Variants in DPY19L2 observed in about 807,000 individuals in gnomAD.
The protein encoded by DPY19L2 is probable C-mannosyltransferase DPY19L2.
In DPY19L2, 34 loss-of-function variants were observed where a neutral mutation model predicts 97.9. The ratio of observed to expected loss-of-function variants is 0.35; its 90% CI spans 0.26 to 0.46. DPY19L2 has a LOEUF of 0.46. Ranked by LOEUF, DPY19L2 falls within the 20% of genes least tolerant of loss-of-function variation. The probability of loss-of-function intolerance (pLI) is 1.00; values close to 1 mark genes in which losing one functional copy is unlikely to be tolerated. For synonymous variants in DPY19L2, 230 were observed against 307.9 expected, an observed-to-expected ratio of 0.75 and a Z score of 2.65; for missense variants, 623 against 911.4, an observed-to-expected ratio of 0.68 and a Z score of 4.07.
At chr12:63,598,081 G>A (rs1230841560) in intron 13 of DPY19L2, among the ~76,000 whole-genome samples, 171 bp from the exon 14 acceptor site, 2 of 151,786 alleles carry the variant, frequency 1.3e-5, no homozygotes, top group Non-Finnish European at 2.9e-5. Context: ...TATACCATGT[G>A]CTGACTTCTC....
At chr12:63,645,039 C>G (rs1407241070) in intron 5 of DPY19L2, among the ~76,000 whole-genome samples, 5 of 151,514 alleles carry the variant, frequency 3.3e-5, no homozygotes, top group Non-Finnish European at 5.9e-5. Flanking sequence ...TCATTTGATC[C>G]ATTATTATGT....
chr12:63,655,827 C>T (rs930102606), intron 4 of DPY19L2, among the ~76,000 whole-genome samples: 7 of 152,070 alleles, frequency 4.6e-5, no homozygotes, highest in East Asian at 3.9e-4. Context: ...AGCACTCTTG[C>T]TAATCTTTTG....
At chr12:63,602,961 T>G (rs1885419003) in intron 12 of DPY19L2, among the ~76,000 whole-genome samples, 1 of 152,098 alleles carries the variant, frequency 6.6e-6, no homozygotes, top group African/African-American at 2.4e-5. Context: ...AACAAAGGTT[T>G]TCACATTATC....
rs562136026 is a variant in DPY19L2 at position 63,562,181 on chromosome 12, G to T, written c.2127-1519C>A. Among the ~76,000 whole-genome samples, 122 of 152,120 alleles carry T rather than the reference G, an allele frequency of 8.0e-4. 1 individual carries two copies. Among genetic ancestry groups the T allele is most frequent in the African/African-American group, 2.8e-3 (117 of 41,492 alleles). On this transcript the variant is annotated intron_variant, in intron 21 of 21. Transcript: ENST00000324472. ...TCCACTTGGATACATATTAACATAG[G>T]TATACACTTGTAAAACAGCAGCCAC... is the stretch of plus-strand genomic sequence containing the variant.
chr12:63,653,670 G>GA (rs1291662275), intron 4 of DPY19L2, among the ~76,000 whole-genome samples: 5 of 151,992 alleles, frequency 3.3e-5, no homozygotes, highest in African/African-American at 9.7e-5. Flanking sequence ...ATCTCAAACA[G>GA]AAAAAATCTA....
intron 18 of DPY19L2, among the ~76,000 whole-genome samples, chr12:63,581,277 G>A (rs2939853): frequency 3.7e-4 from 56 of 151,578 alleles, no homozygotes; most frequent in East Asian, 1.9e-4. Flanking sequence ...TAATAAAAAC[G>A]AAGTAAGGTG....
At chr12:63,565,786 G>A (rs980723154) in intron 21 of DPY19L2, among the ~76,000 whole-genome samples, 1 of 151,972 alleles carries the variant, frequency 6.6e-6, no homozygotes, top group Non-Finnish European at 1.5e-5. Flanking sequence ...TGGATTGAGT[G>A]ATTTTTATAA....
At chr12:63,563,729 T>C (rs886108380) in intron 21 of DPY19L2, among the ~76,000 whole-genome samples, 4 of 152,144 alleles carry the variant, frequency 2.6e-5, no homozygotes, top group Non-Finnish European at 4.4e-5. Context: ...TTCCTTTTAT[T>C]GTAATGTTTC....
At chr12:63,663,324 T>C (rs1228734627) in intron 3 of DPY19L2, among the ~76,000 whole-genome samples, 2 of 152,086 alleles carry the variant, frequency 1.3e-5, no homozygotes, top group African/African-American at 4.8e-5. Context: ...GAAAATTATT[T>C]TAAAATTATA....
At chr12:63,569,169 A>G in intron 21 of DPY19L2, 55 bp downstream of exon 21, 1 of 1,530,084 alleles carries the variant, frequency 6.5e-7, no homozygotes, top group South Asian at 1.3e-5. Flanking sequence ...TAATAAAGTG[A>G]AACATTTGTT....
intron 11 of DPY19L2, among the ~76,000 whole-genome samples, chr12:63,610,151 A>G (rs1453825929): frequency 6.6e-6 from 1 of 151,884 alleles, no homozygotes; most frequent in Non-Finnish European, 1.5e-5. Context: ...TATAAAAAAT[A>G]TACATGTAAT....
intron 8 of DPY19L2, among the ~76,000 whole-genome samples, chr12:63,621,693 G>A (rs1421248676): frequency 6.6e-6 from 1 of 152,156 alleles, no homozygotes; most frequent in Non-Finnish European, 1.5e-5. Flanking sequence ...TGCTTCTCCT[G>A]TATGTGTAGC....
At chr12:63,636,876 C>G (rs572920927) in intron 6 of DPY19L2, among the ~76,000 whole-genome samples, 1 of 152,162 alleles carries the variant, frequency 6.6e-6, no homozygotes, top group Non-Finnish European at 1.5e-5. Flanking sequence ...GACAGATCAA[C>G]GAGACAGAAA....
At chr12:63,587,393 T>C (rs1158848810) in intron 16 of DPY19L2, among the ~76,000 whole-genome samples, 1 of 151,750 alleles carries the variant, frequency 6.6e-6, no homozygotes, top group South Asian at 2.1e-4. Flanking sequence ...GCACTATTAA[T>C]AACATGATAT....
At chr12:63,611,443 G>T (rs1219243098) in intron 11 of DPY19L2, among the ~76,000 whole-genome samples, 1 of 151,718 alleles carries the variant, frequency 6.6e-6, no homozygotes, top group East Asian at 1.9e-4. Context: ...ACACAGCCCC[G>T]ATATGAGAAG....
intron 6 of DPY19L2, among the ~76,000 whole-genome samples, chr12:63,638,032 T>A (rs1465805115): frequency 2.0e-5 from 3 of 152,158 alleles, no homozygotes; most frequent in Non-Finnish European, 4.4e-5. Context: ...CCTTCATCCC[T>A]GGGATGCAAG....
chr12:63,588,259 C>T (rs1034537524), intron 16 of DPY19L2, among the ~76,000 whole-genome samples: 4 of 152,130 alleles, frequency 2.6e-5, no homozygotes, highest in Non-Finnish European at 5.9e-5. Context: ...TGGTGACTTT[C>T]GGTTGAAGCC....
At chr12:63,582,675 T>A in intron 17 of DPY19L2, 150 bp from the exon 18 acceptor site, 1 of 916,144 alleles carries the variant, frequency 1.1e-6, no homozygotes, top group South Asian at 2.0e-5. Flanking sequence ...ATTTATCGAA[T>A]GTCTACTATG....
chr12:63,607,140 T>C (rs1886176394), intron 12 of DPY19L2, among the ~76,000 whole-genome samples: 2 of 152,288 alleles, frequency 1.3e-5, no homozygotes, highest in African/African-American at 4.8e-5. Context: ...ACTTGGTCAA[T>C]TCATGTTCTT....
Sources: gnomAD v4.1 joint callset for allele counts (sites outside exome capture counted in the v4.1 genomes callset) on GRCh38, gnomAD v4.1.1 for gene constraint, MANE v1.5 for transcripts, NCBI Gene and HGNC (gene_info 2026-07-23, HGNC 2026-07-21) for gene names.